The following ENOX1 variants were observed in gnomAD, a reference collection of about 807,000 sequenced individuals.
ENOX1 encodes the protein ecto-NOX disulfide-thiol exchanger 1.
A neutral mutation model predicts 82.5 loss-of-function variants in ENOX1; 42 were observed. That is an observed-to-expected ratio of 0.51 (90% CI 0.40 to 0.66). The LOEUF (loss-of-function observed/expected upper bound fraction) is 0.66. Ranked by LOEUF, ENOX1 falls within the 30% of genes least tolerant of loss-of-function variation. ENOX1 has a pLI of 0.00. For synonymous variants in ENOX1, 271 were observed against 282.2 expected (o/e 0.96, Z 0.40); for missense variants, 608 against 811.6 (o/e 0.75, Z 3.05).
chr13:43,610,421 G>T (rs963154670), intron 2 of ENOX1, among the ~76,000 whole-genome samples: 7 of 152,214 alleles, frequency 4.6e-5, no homozygotes, highest in African/African-American at 1.4e-4. Context: ...AAAGGCTAAA[G>T]GTTTGGTACC....
chr13:43,704,234 G>A (rs1434466133), intron 1 of ENOX1, among the ~76,000 whole-genome samples: 1 of 151,944 alleles, frequency 6.6e-6, no homozygotes. Flanking sequence ...AAATATATAT[G>A]ACTAAGATAA....
intron 9 of ENOX1, among the ~76,000 whole-genome samples, chr13:43,330,635 AATG>A (rs2048362130): frequency 6.6e-6 from 1 of 152,198 alleles, no homozygotes; most frequent in Non-Finnish European, 1.5e-5. Context: ...GAAAATTAAA[AATG>A]ATAAATTCTT....
At chr13:43,731,365 C>T (rs1247480417) in intron 1 of ENOX1, among the ~76,000 whole-genome samples, 2 of 152,166 alleles carry the variant, frequency 1.3e-5, no homozygotes, top group Non-Finnish European at 2.9e-5. Flanking sequence ...CTGCCACTTT[C>T]CATGGGAAGA....
intron 2 of ENOX1, among the ~76,000 whole-genome samples, chr13:43,554,337 T>C (rs1405182484): frequency 6.6e-6 from 1 of 152,236 alleles, no homozygotes; most frequent in Non-Finnish European, 1.5e-5. Flanking sequence ...TATTTCTGCC[T>C]ACAGTTACCT....
At position 43,359,947 on chromosome 13, in the gene ENOX1, A is replaced by G; in HGVS notation, c.493T>C (p.Cys165Arg). Residue 165 changes from cysteine (C) to arginine (R), a missense_variant, in exon 7 of 17, where the codon TGC becomes CGC. Transcript: ENST00000690772. ...EEIIQEVFEQ[C>R]GDITAIRKSK... ...TTCCGAATTGCTGTAATATCACCGC[A>G]CTGTTCAAAGACTTCTTGAATAATT... 1 of 1,614,236 alleles carries G rather than the reference A, an allele frequency of 6.2e-7. No individual in the cohort carries two copies. The highest frequency in any genetic ancestry group is 8.5e-7 in the Non-Finnish European group (1 of 1,180,026).
intron 1 of ENOX1, among the ~76,000 whole-genome samples, chr13:43,716,412 C>T (rs762869220): frequency 2.6e-5 from 4 of 152,108 alleles, no homozygotes; most frequent in African/African-American, 9.7e-5. Flanking sequence ...CCATCTTCTG[C>T]GTCGCTCATG....
rs181049859 is a variant in ENOX1, at chr13:43,580,847, A to C, written c.-219+86632T>G. Among the ~76,000 whole-genome samples the C allele has an allele frequency of 5.9e-5, 9 of 152,342 alleles. No homozygotes were observed. In the East Asian group the frequency reaches 1.5e-3, roughly 26 times the overall value. On this transcript the variant is annotated intron_variant, in intron 2 of 16. Transcript: ENST00000690772. ...GAGTCTTTAGAAGTTTATTTTAGAAACTTGAGAAGTTTTAAATTTACACAT... is the reference window on the plus strand; with the variant it reads ...GAGTCTTTAGAAGTTTATTTTAGAACCTTGAGAAGTTTTAAATTTACACAT...
At chr13:43,471,635 C>T (rs11839857) in intron 3 of ENOX1, among the ~76,000 whole-genome samples, 2,197 of 151,780 alleles carry the variant, frequency 0.014, 57 homozygotes, top group African/African-American at 0.05. Context: ...ATGGTGAAAG[C>T]CCATCTCTAT....
At chr13:43,267,735 C>T (rs2044464731) in intron 13 of ENOX1, among the ~76,000 whole-genome samples, 1 of 152,168 alleles carries the variant, frequency 6.6e-6, no homozygotes, top group Non-Finnish European at 1.5e-5. Context: ...GCAAGAACCA[C>T]CAAGGGGTAG....
At chr13:43,466,250 A>T (rs533426918) in intron 3 of ENOX1, among the ~76,000 whole-genome samples, 15 of 152,332 alleles carry the variant, frequency 9.8e-5, no homozygotes, top group African/African-American at 3.6e-4. Context: ...ACAGAAAAAA[A>T]TCTTGAAAAA....
chr13:43,527,279 C>A (rs2078028271), intron 2 of ENOX1, among the ~76,000 whole-genome samples: 1 of 152,030 alleles, frequency 6.6e-6, no homozygotes, highest in Admixed American at 6.6e-5. Flanking sequence ...AAACCATTAG[C>A]TAGAATTTGG....
chr13:43,397,432 C>T (rs2053222052), intron 5 of ENOX1, among the ~76,000 whole-genome samples: 1 of 152,156 alleles, frequency 6.6e-6, no homozygotes, highest in African/African-American at 2.4e-5. Flanking sequence ...CTGGAGTCAC[C>T]TCACATTAGG....
At chr13:43,476,249 A>T (rs191125513) in intron 3 of ENOX1, among the ~76,000 whole-genome samples, 13 of 152,266 alleles carry the variant, frequency 8.5e-5, no homozygotes, top group African/African-American at 2.9e-4. Context: ...CAAGCCTAAA[A>T]TCTACCAAAA....
chr13:43,711,347 T>C (rs2087697702), intron 1 of ENOX1, among the ~76,000 whole-genome samples: 1 of 152,124 alleles, frequency 6.6e-6, no homozygotes. Flanking sequence ...TGGTTCCAAG[T>C]CTTTGCTATT....
intron 2 of ENOX1, among the ~76,000 whole-genome samples, chr13:43,550,189 G>A (rs2079133133): frequency 6.6e-6 from 1 of 152,166 alleles, no homozygotes; most frequent in Non-Finnish European, 1.5e-5. Context: ...GTGCAGCCTT[G>A]TTCCTAACAG....
intron 2 of ENOX1, among the ~76,000 whole-genome samples, chr13:43,630,120 T>G (rs181916189): frequency 2.0e-5 from 3 of 152,350 alleles, no homozygotes; most frequent in African/African-American, 7.2e-5. Flanking sequence ...TGTATGCTTA[T>G]TTTTGTATGT....
intron 14 of ENOX1, among the ~76,000 whole-genome samples, chr13:43,237,673 G>A (rs1051619137): frequency 6.6e-6 from 1 of 152,146 alleles, no homozygotes; most frequent in Non-Finnish European, 1.5e-5. Context: ...GGTGTCCCTA[G>A]AACTGGAAGT....
intron 2 of ENOX1, among the ~76,000 whole-genome samples, chr13:43,485,804 G>A (rs570558525): frequency 1.8e-4 from 27 of 152,218 alleles, no homozygotes; most frequent in Non-Finnish European, 3.5e-4. Context: ...GGCAGGGCAC[G>A]GTGGCCCACG....
chr13:43,774,868 A>T (rs1369338009), intron 1 of ENOX1, among the ~76,000 whole-genome samples: 1 of 151,628 alleles, frequency 6.6e-6, no homozygotes, highest in Non-Finnish European at 1.5e-5. Flanking sequence ...TTTTTTTTTG[A>T]GATGGAGTTT....
Sources: allele counts gnomAD v4.1 joint callset (sites outside exome capture counted in the v4.1 genomes callset), GRCh38; gene constraint gnomAD v4.1.1; transcripts MANE v1.5; gene names NCBI Gene and HGNC (gene_info 2026-07-23, HGNC 2026-07-21).